The following KIAA1217 variants were observed in gnomAD, a reference collection of about 807,000 sequenced individuals.
The protein encoded by KIAA1217 is sickle tail protein homolog.
Under a neutral mutation model 163.9 loss-of-function variants are expected in KIAA1217, and 88 were observed. That is an observed-to-expected ratio of 0.54 (90% CI 0.45 to 0.64). The LOEUF (loss-of-function observed/expected upper bound fraction) is 0.64. Among genes scored for constraint, KIAA1217 ranks in the 30% least tolerant of loss-of-function variants. The pLI is 0.00. For synonymous variants in KIAA1217, 903 were observed against 923.1 expected, an observed-to-expected ratio of 0.98 and a Z score of 0.39; for missense variants, 2,372 against 2,475.0, an observed-to-expected ratio of 0.96 and a Z score of 0.88.
chr10:24,043,480 T>TTAAG (rs1848763993), intron 2 of KIAA1217, among the ~76,000 whole-genome samples: 1 of 152,176 alleles, frequency 6.6e-6, no homozygotes, highest in South Asian at 2.1e-4. Flanking sequence ...CTGGAAAATT[T>TTAAG]TAAGTTTTCC....
At chr10:24,485,701 T>G (rs2065303063) in intron 6 of KIAA1217, among the ~76,000 whole-genome samples, 1 of 152,214 alleles carries the variant, frequency 6.6e-6, no homozygotes. Context: ...ACATCCTCAA[T>G]GGTTTACAGG....
At chr10:23,934,470 G>T (rs1469028978) in intron 1 of KIAA1217, among the ~76,000 whole-genome samples, 5 of 145,678 alleles carry the variant, frequency 3.4e-5, no homozygotes, top group African/African-American at 7.7e-5. Context: ...TAACAAATCT[G>T]CACATTCTGC....
intron 5 of KIAA1217, among the ~76,000 whole-genome samples, chr10:24,443,022 CA>C (rs1591982909): frequency 1.3e-5 from 2 of 151,256 alleles, no homozygotes; most frequent in East Asian, 3.9e-4. Flanking sequence ...GCGATTCTCC[CA>C]CCTCAGCCTA....
At chr10:24,274,602 G>T (rs893561441) in intron 2 of KIAA1217, among the ~76,000 whole-genome samples, 2 of 151,974 alleles carry the variant, frequency 1.3e-5, no homozygotes, top group African/African-American at 4.8e-5. Context: ...CTATAAACTT[G>T]CCCTAAATAC....
At chr10:24,505,916 C>A (rs766726849) in intron 9 of KIAA1217, among the ~76,000 whole-genome samples, 7 of 152,012 alleles carry the variant, frequency 4.6e-5, no homozygotes, top group Non-Finnish European at 8.8e-5. Context: ...TCTCATTTAT[C>A]TTCTGACATG....
chr10:24,477,975 G>T (rs754009465), intron 6 of KIAA1217, among the ~76,000 whole-genome samples: 13 of 152,210 alleles, frequency 8.5e-5, no homozygotes, highest in Non-Finnish European at 1.6e-4. Context: ...TCCAATTTCT[G>T]TTGCAATTTC....
At chr10:23,981,863 T>G (rs1461847012) in intron 1 of KIAA1217, among the ~76,000 whole-genome samples, 1 of 152,140 alleles carries the variant, frequency 6.6e-6, no homozygotes, top group Non-Finnish European at 1.5e-5. Flanking sequence ...TTCAGCTACT[T>G]CTGTCTCAGG....
At chr10:23,892,507 GC>G (rs1214366826) in intron 1 of KIAA1217, among the ~76,000 whole-genome samples, 1 of 151,874 alleles carries the variant, frequency 6.6e-6, no homozygotes, top group Non-Finnish European at 1.5e-5. Context: ...ATGTCTGCTT[GC>G]CTCAGGACTA....
intron 3 of KIAA1217, among the ~76,000 whole-genome samples, chr10:24,388,940 C>T (rs527693684): frequency 6.7e-6 from 1 of 150,312 alleles, no homozygotes; most frequent in Non-Finnish European, 1.5e-5. Context: ...AATAGGAACA[C>T]TTTTACACTG....
chr10:24,006,277 G>T (rs1246246997), intron 1 of KIAA1217, among the ~76,000 whole-genome samples: 1 of 152,150 alleles, frequency 6.6e-6, no homozygotes, highest in Non-Finnish European at 1.5e-5. Context: ...GCTACTAAAT[G>T]ATGGTCAAAA....
At chr10:24,027,879 T>C (rs1396379600) in intron 2 of KIAA1217, among the ~76,000 whole-genome samples, 1 of 152,130 alleles carries the variant, frequency 6.6e-6, no homozygotes, top group Non-Finnish European at 1.5e-5. Context: ...CAGTGTCTAA[T>C]AGCACAATCT....
In KIAA1217 at chr10:24,236,711, G is replaced by A. The variant is rs947590531; in HGVS notation, c.354+16802G>A. ...CAGTTGCCCAAGCTGGAATTCAGGG[G>A]TGCAAACATAGCTCACTGCAGCCTC... On this transcript the variant is annotated intron_variant, in intron 2 of 20. Transcript: ENST00000376454. Among the ~76,000 whole-genome samples, 8 of 151,490 alleles carry A rather than the reference G, an allele frequency of 5.3e-5. 1 individual carries two copies. The highest frequency in any genetic ancestry group is 3.9e-4 in the Admixed American group (6 of 15,194).
intron 2 of KIAA1217, among the ~76,000 whole-genome samples, chr10:24,076,055 T>C (rs1436601657): frequency 6.6e-6 from 1 of 152,166 alleles, no homozygotes; most frequent in African/African-American, 2.4e-5. Flanking sequence ...GAGGAATCAC[T>C]TGGGGGGAGT....
chr10:23,951,405 G>A (rs1844330488), intron 1 of KIAA1217, among the ~76,000 whole-genome samples: 1 of 152,150 alleles, frequency 6.6e-6, no homozygotes, highest in Non-Finnish European at 1.5e-5. Context: ...TGTAATCCCA[G>A]CACTTTAGGA....
chr10:24,089,127 G>C lies in KIAA1217; in HGVS notation c.-171+81753G>C, dbSNP rs1485486602. On this transcript the variant is annotated intron_variant, in intron 2 of 18. Transcript: ENST00000376462. ...AGTGTCTGTTCATATCCTTCGCCCA[G>C]TTGCTGATGGGGTTGTTTGTTTTTT... 4.3e-4 allele frequency among the ~76,000 whole-genome samples: 54 copies of C among 124,804 alleles called. 2 individuals are homozygous for C. The highest frequency in any genetic ancestry group is 1.3e-3 in the African/African-American group (52 of 39,916). 81.9% of individuals were successfully genotyped at this position (124,804 alleles called of 152,430 possible). A position where few individuals can be genotyped will look rare whatever the true frequency, so the allele number is the denominator to read the frequency against.
chr10:24,380,976 G>T lies in KIAA1217; in HGVS notation c.462G>T (p.Gly154=). ...ATTCTTTGGAAGCCATGTCTGAGGG[G>T]GATGCTCCAACCCCTTTTTCCAGAG... ...SADSLEAMSE[G]DAPTPFSRGS... is the part of the protein sequence containing the mutation. Residue 154 remains glycine, a synonymous_variant, in exon 3 of 21, where the codon GGG becomes GGT. Transcript: ENST00000376454. 6.2e-7 allele frequency: 1 copy of T among 1,608,006 alleles called. No homozygotes were observed. Among genetic ancestry groups the T allele is most frequent in the Non-Finnish European group, 8.5e-7 (1 of 1,176,834 alleles).
intron 2 of KIAA1217, among the ~76,000 whole-genome samples, chr10:24,130,527 T>C (rs1313499973): frequency 2.0e-5 from 3 of 152,186 alleles, no homozygotes; most frequent in African/African-American, 7.2e-5. Context: ...CAACTCCATA[T>C]GTAAAATGAA....
chr10:24,041,216 C>T (rs1035073265), intron 2 of KIAA1217, among the ~76,000 whole-genome samples: 1 of 152,148 alleles, frequency 6.6e-6, no homozygotes, highest in Non-Finnish European at 1.5e-5. Flanking sequence ...ACAGAATAAT[C>T]GAGGTTGGAA....
chr10:24,546,266 A>G lies in KIAA1217; in HGVS notation c.5774A>G (p.Lys1925Arg). 17 of 1,614,160 alleles carry G rather than the reference A, an allele frequency of 1.1e-5. No homozygotes were observed. The highest frequency in any genetic ancestry group is 1.4e-5 in the Non-Finnish European group (17 of 1,179,998). ...CATACTCCCAGCCTCACCAGCTACA[A>G]GGCACAGAATGGAAGTTCAAGCAAA... is the stretch of plus-strand genomic sequence containing the variant. ...TIHTPSLTSYKAQNGSSSKAT... is the reference protein window; with the variant it reads ...TIHTPSLTSYRAQNGSSSKAT... Residue 1925 changes from lysine (K) to arginine (R), a missense_variant, in exon 21 of 21, where the codon AAG becomes AGG. Around this residue, in one of 3 missense-constraint regions of KIAA1217, gnomAD observed 690 missense variants for 677.5 expected, o/e 1.02. Transcript: ENST00000376454.
Sources: allele counts gnomAD v4.1 joint callset (sites outside exome capture counted in the v4.1 genomes callset), GRCh38; gene constraint gnomAD v4.1.1; regional missense constraint gnomAD v4.1.1; transcripts MANE v1.5; gene names NCBI Gene and HGNC (gene_info 2026-07-23, HGNC 2026-07-21).